SLC39A10: variants seen among roughly 807,000 people sequenced by gnomAD.
The protein encoded by SLC39A10 is solute carrier family 39 member 10.
A neutral mutation model predicts 65.1 loss-of-function variants in SLC39A10; 13 were observed. That is an observed-to-expected ratio of 0.20 (90% CI 0.13 to 0.32). The LOEUF is 0.32. SLC39A10 is among the 10% of genes least tolerant of loss of function. SLC39A10 has a pLI of 1.00. For missense variants in SLC39A10, 831 were observed against 1,018.4 expected, an observed-to-expected ratio of 0.82 and a Z score of 2.50; for synonymous variants, 321 against 342.2, an observed-to-expected ratio of 0.94 and a Z score of 0.68.
chr2:195,620,323 T>C (rs889882372), intron 2 of SLC39A10, among the ~76,000 whole-genome samples: 8 of 152,150 alleles, frequency 5.3e-5, no homozygotes, highest in Non-Finnish European at 8.8e-5. Context: ...TAAAAGTATA[T>C]TTGAGTTAGC....
intron 1 of SLC39A10, among the ~76,000 whole-genome samples, chr2:195,665,318 A>G (rs1689594246): frequency 6.6e-6 from 1 of 152,182 alleles, no homozygotes; most frequent in South Asian, 2.1e-4. Context: ...CTCTGTCAAA[A>G]AAATGAATAA....
At chr2:195,677,690 A>G (rs1690147630) in intron 1 of SLC39A10, among the ~76,000 whole-genome samples, 1 of 150,470 alleles carries the variant, frequency 6.6e-6, no homozygotes, top group African/African-American at 2.4e-5. Flanking sequence ...TTCCTGTGTG[A>G]TAGATTTTTC....
At position 195,617,700 on chromosome 2, in the gene SLC39A10, G is replaced by GTTTCTTTTCTTTTCT. The variant is rs58481026; in HGVS notation, c.-12+11481_-12+11495dup. On this transcript the variant is annotated intron_variant, in intron 2 of 2. Transcript: ENST00000458054. ...AGCCTAGGCAACATAGTGAGACCTT[G>GTTTCTTTTCTTTTCT]TTTCTTTTCTTTTCTTTTCTTTTCT... Among the ~76,000 whole-genome samples, 43 of 97,628 alleles carry GTTTCTTTTCTTTTCT rather than the reference G, an allele frequency of 4.4e-4. 1 individual carries two copies. Among genetic ancestry groups the GTTTCTTTTCTTTTCT allele is most frequent in the East Asian group, 2.9e-3 (11 of 3,784 alleles). 64.0% of individuals were successfully genotyped at this position (97,628 alleles called of 152,430 possible). A position where few individuals can be genotyped will look rare whatever the true frequency, so the allele number is the denominator to read the frequency against.
At chr2:195,677,275 G>A (rs949459931) in intron 1 of SLC39A10, among the ~76,000 whole-genome samples, 10 of 152,098 alleles carry the variant, frequency 6.6e-5, no homozygotes, top group Non-Finnish European at 1.3e-4. Flanking sequence ...TCATGGCCAG[G>A]TATGGTAGCT....
Position 195,636,604 on chromosome 2 carries a change from T to G in SLC39A10, c.-12+30371T>G, listed in dbSNP as rs1029267975. ...GTCTCTACTAAAAAAACAAAAAAAA[T>G]TAGTTGGGCGTGGTGGCGGGTGCCT... On this transcript the variant is annotated intron_variant, in intron 2 of 2. Coordinates refer to the SLC39A10 transcript ENST00000458054. Among the ~76,000 whole-genome samples, 4 of 151,136 alleles carry G rather than the reference T, an allele frequency of 2.6e-5. No individual in the cohort carries two copies. In the East Asian group the frequency reaches 7.8e-4, roughly 30 times the overall value.
intron 2 of SLC39A10, among the ~76,000 whole-genome samples, chr2:195,625,566 T>G (rs1330889543): frequency 1.3e-5 from 2 of 152,088 alleles, no homozygotes; most frequent in African/African-American, 4.8e-5. Context: ...CCTGAGCCAC[T>G]GCGCCCAGCC....
intron 3 of SLC39A10, among the ~76,000 whole-genome samples, chr2:195,696,847 G>T (rs1406891085): frequency 2.6e-5 from 4 of 152,096 alleles, no homozygotes; most frequent in Non-Finnish European, 4.4e-5. Context: ...TAATTGTAAG[G>T]ATATGCAGCA....
chr2:195,619,412 G>A (rs911789306), intron 2 of SLC39A10, among the ~76,000 whole-genome samples: 7 of 152,242 alleles, frequency 4.6e-5, no homozygotes, highest in African/African-American at 1.7e-4. Context: ...GGAGTTAGCA[G>A]AAGGAACAAG....
At chr2:195,721,641 C>T (rs1692045291) in intron 8 of SLC39A10, among the ~76,000 whole-genome samples, 1 of 152,134 alleles carries the variant, frequency 6.6e-6, no homozygotes, top group African/African-American at 2.4e-5. Flanking sequence ...TGGTCTATCA[C>T]ATACTGCTGT....
At chr2:195,676,686 C>T (rs191083993) in intron 1 of SLC39A10, among the ~76,000 whole-genome samples, 1 of 152,198 alleles carries the variant, frequency 6.6e-6, no homozygotes, top group Admixed American at 6.5e-5. Flanking sequence ...ATGTTATTTT[C>T]GTTAGTATAA....
chr2:195,715,525 C>CAAAAAAAA (rs545656309), intron 6 of SLC39A10, among the ~76,000 whole-genome samples: 2 of 61,594 alleles, frequency 3.2e-5, no homozygotes, highest in African/African-American at 5.6e-5. Context: ...GACTCTGTCT[C>CAAAAAAAA]AAAAAAAAAA....
In SLC39A10 at chr2:195,706,609, T is replaced by C; in HGVS notation, c.1217-7T>C. The C allele has an allele frequency of 6.2e-7, 1 of 1,609,544 alleles. No individual in the cohort carries two copies. The highest frequency in any genetic ancestry group is 8.5e-7 in the Non-Finnish European group (1 of 1,177,948). The stretch of plus-strand genomic sequence containing the variant: ...ACTAATGTTGACTCTTAATTTCTTT[T>C]CTACAGCCTGGATTTGTGGTATCAT... On this transcript the variant is annotated splice_region_variant and splice_polypyrimidine_tract_variant and intron_variant, in intron 3 of 9. Transcript: ENST00000359634.
chr2:195,626,876 T>C (rs1033222940), intron 2 of SLC39A10, among the ~76,000 whole-genome samples: 1 of 152,182 alleles, frequency 6.6e-6, no homozygotes, highest in Admixed American at 6.5e-5. Flanking sequence ...ATCCCAGGCT[T>C]ACAGACTGGC....
At position 195,680,856 on chromosome 2, in the gene SLC39A10, G is replaced by A. The variant is rs1463060642; in HGVS notation, c.814G>A (p.Val272Ile). 1.9e-6 allele frequency: 3 copies of A among 1,613,984 alleles called. No homozygotes were observed. The highest frequency in any genetic ancestry group is 8.5e-7 in the Non-Finnish European group (1 of 1,180,028). ...EHNRVHKPDRVHNPGHSHVHL... is the reference protein window; with the variant it reads ...EHNRVHKPDRIHNPGHSHVHL... Reference sequence around the variant, plus strand: ...TAATCGGGTCCACAAACCTGATCGTGTACATAACCCAGGTCATTCTCATGT... The same window carrying A: ...TAATCGGGTCCACAAACCTGATCGTATACATAACCCAGGTCATTCTCATGT... Residue 272 changes from valine to isoleucine, a missense_variant, in exon 2 of 10, where the codon GTA becomes ATA. By Grantham distance (29) the Val-to-Ile change is conservative (BLOSUM62 3). Around this residue, in one of 4 missense-constraint regions of SLC39A10, gnomAD observed 446 missense variants for 499.2 expected, o/e 0.89. Coordinates refer to ENST00000359634, the MANE Select transcript of SLC39A10 (RefSeq NM_020342.3).
At chr2:195,715,095 T>A (rs1251795866) in intron 6 of SLC39A10, among the ~76,000 whole-genome samples, 1 of 152,212 alleles carries the variant, frequency 6.6e-6, no homozygotes, top group Non-Finnish European at 1.5e-5. Flanking sequence ...TAAGTGATTA[T>A]ATTTTAATTA....
intron 3 of SLC39A10, among the ~76,000 whole-genome samples, chr2:195,704,140 A>G (rs947485322): frequency 1.3e-5 from 2 of 152,186 alleles, no homozygotes; most frequent in African/African-American, 2.4e-5. Context: ...TTACATTAGT[A>G]AGTAAATACA....
At chr2:195,656,268 A>G (rs2105718084), upstream of SLC39A10, among the ~76,000 whole-genome samples, 1 of 152,302 alleles carries the variant, frequency 6.6e-6, no homozygotes, top group Admixed American at 6.5e-5. Flanking sequence ...GTAATGAAGC[A>G]AAAATAAGAC....
chr2:195,632,164 A>T (rs1033456782), intron 2 of SLC39A10, among the ~76,000 whole-genome samples: 2 of 151,532 alleles, frequency 1.3e-5, no homozygotes, highest in African/African-American at 4.9e-5. Context: ...AAGATCTGGG[A>T]TTATAAGCAT....
At chr2:195,659,592 C>G (rs1689302648) in intron 1 of SLC39A10, among the ~76,000 whole-genome samples, 1 of 152,122 alleles carries the variant, frequency 6.6e-6, no homozygotes, top group East Asian at 1.9e-4. Flanking sequence ...TTGACCAATA[C>G]TGGAAAAAAT....
Sources: gnomAD v4.1 joint callset for allele counts (sites outside exome capture counted in the v4.1 genomes callset) on GRCh38, gnomAD v4.1.1 for gene constraint, gnomAD v4.1.1 regional missense constraint, MANE v1.5 for transcripts, NCBI Gene and HGNC (gene_info 2026-07-23, HGNC 2026-07-21) for gene names.